The following FGF12 variants were observed in gnomAD, a reference collection of about 807,000 sequenced individuals.
FGF12 encodes the protein fibroblast growth factor 12B.
Under a neutral mutation model 23.6 loss-of-function variants are expected in FGF12, and 14 were observed. The ratio of observed to expected loss-of-function variants is 0.59; its 90% CI spans 0.39 to 0.93. The LOEUF (loss-of-function observed/expected upper bound fraction) is 0.93. Ranked by LOEUF, FGF12 falls within the 40% of genes least tolerant of loss-of-function variation. FGF12 has a pLI of 0.00. For synonymous variants in FGF12, 62 were observed against 77.3 expected, an observed-to-expected ratio of 0.80 and a Z score of 1.04; for missense variants, 175 against 217.8, an observed-to-expected ratio of 0.80 and a Z score of 1.24.
At chr3:192,656,864 A>G (rs763757241) in intron 2 of FGF12, among the ~76,000 whole-genome samples, 9 of 152,196 alleles carry the variant, frequency 5.9e-5, no homozygotes, top group Middle Eastern at 3.2e-3. Flanking sequence ...GAAATGCATA[A>G]TAGCCACAAT....
intron 2 of FGF12, among the ~76,000 whole-genome samples, chr3:192,663,273 T>C (rs758843733): frequency 6.6e-6 from 1 of 152,228 alleles, no homozygotes; most frequent in Admixed American, 6.5e-5. Flanking sequence ...AATTGTAGTC[T>C]AGGGAATATT....
chr3:192,620,136 C>T (rs575692021), intron 2 of FGF12, among the ~76,000 whole-genome samples: 4 of 152,220 alleles, frequency 2.6e-5, no homozygotes, highest in African/African-American at 9.6e-5. Context: ...TTTTTGCCGA[C>T]CTCACTCTCA....
chr3:192,188,083 T>C (rs1185256520), intron 4 of FGF12, among the ~76,000 whole-genome samples: 1 of 152,202 alleles, frequency 6.6e-6, no homozygotes, highest in Non-Finnish European at 1.5e-5. Context: ...GCCTCATGTA[T>C]TTATTCATCA....
At position 192,360,025 on chromosome 3, in the gene FGF12, G is replaced by A. The variant is rs779160514; in HGVS notation, c.124+403C>T. On this transcript the variant is annotated intron_variant, in intron 3 of 5. Transcript: ENST00000445105. This position sits in a 1 kb window ranked among gnomAD's most constrained non-coding sequence, Gnocchi z 4.3. ...AGGTAATTTTTGTCTGTCAGAAATT[G>A]TGTTCTAAGAAATATAGAACTTGTT... 1.3e-5 allele frequency among the ~76,000 whole-genome samples: 2 copies of A among 151,688 alleles called. No individual in the cohort carries two copies. Among genetic ancestry groups the A allele is most frequent in the South Asian group, 2.1e-4 (1 of 4,812 alleles).
At chr3:192,157,508 AG>A (rs199759808) in intron 5 of FGF12, among the ~76,000 whole-genome samples, 16,548 of 152,196 alleles carry the variant, frequency 0.11, 1,090 homozygotes, top group Middle Eastern at 0.2. Context: ...GATTTTTTCC[AG>A]GGCAAGCTTT....
chr3:192,241,406 A>C (rs1052578196), intron 4 of FGF12, among the ~76,000 whole-genome samples: 3 of 152,182 alleles, frequency 2.0e-5, no homozygotes, highest in African/African-American at 4.8e-5. Context: ...AATGTATTTA[A>C]TATCTCAAAG....
In FGF12 at chr3:192,140,067, A is replaced by G. The variant is rs1713286171; in HGVS notation, c.*3942T>C. On this transcript the variant is annotated 3_prime_UTR_variant, in exon 6 of 6. Coordinates refer to ENST00000445105, the MANE Select transcript of FGF12 (RefSeq NM_004113.6). Reference sequence around the variant, plus strand: ...GTTTCTTTTTTATTATAAAGTGGCAATTTGTACCATCATTAGAAATGTACA... The same window carrying G: ...GTTTCTTTTTTATTATAAAGTGGCAGTTTGTACCATCATTAGAAATGTACA... 6.6e-6 allele frequency: 1 copy of G among 152,052 alleles called. No individual in the cohort carries two copies. The highest frequency in any genetic ancestry group is 2.4e-5 in the African/African-American group (1 of 41,440). The allele number at this position is 152,052 out of a possible 1,614,324, so 9.4% of individuals were successfully genotyped here. A position where few individuals can be genotyped will look rare whatever the true frequency, so the allele number is the denominator to read the frequency against.
intron 2 of FGF12, among the ~76,000 whole-genome samples, chr3:192,548,969 G>A (rs1480454357): frequency 6.6e-6 from 1 of 152,082 alleles, no homozygotes; most frequent in African/African-American, 2.4e-5. Context: ...ATCAAAAAAA[G>A]TCTTTCATAG....
intron 2 of FGF12, among the ~76,000 whole-genome samples, chr3:192,576,852 G>A (rs189755478): frequency 6.6e-6 from 1 of 152,054 alleles, no homozygotes; most frequent in Non-Finnish European, 1.5e-5. Flanking sequence ...GTGACACATA[G>A]ACACCATGGA....
At chr3:192,322,216 C>A (rs2108683030) in intron 4 of FGF12, among the ~76,000 whole-genome samples, 1 of 151,858 alleles carries the variant, frequency 6.6e-6, no homozygotes, top group African/African-American at 2.4e-5. Flanking sequence ...AATCAATTTA[C>A]AATAGCAACA....
chr3:192,521,116 TG>T (rs1468740956), intron 2 of FGF12, among the ~76,000 whole-genome samples: 3 of 152,352 alleles, frequency 2.0e-5, no homozygotes, highest in African/African-American at 7.2e-5. Context: ...TTTAGATTCC[TG>T]CCAGCAATAT....
At chr3:192,246,191 T>C (rs1244448643) in intron 4 of FGF12, among the ~76,000 whole-genome samples, 1 of 152,096 alleles carries the variant, frequency 6.6e-6, no homozygotes, top group African/African-American at 2.4e-5. Context: ...AAATTTATAT[T>C]TTAGAATTAT....
chr3:192,326,080 A>G (rs1716803916), intron 4 of FGF12, among the ~76,000 whole-genome samples: 1 of 152,224 alleles, frequency 6.6e-6, no homozygotes. Flanking sequence ...AGACTTCAGC[A>G]GATGTCTGAA....
At chr3:192,583,255 C>G (rs1713235399) in intron 2 of FGF12, among the ~76,000 whole-genome samples, 1 of 152,112 alleles carries the variant, frequency 6.6e-6, no homozygotes, top group South Asian at 2.1e-4. Context: ...CTCCATGGGG[C>G]CTAGTGTAGG....
chr3:192,454,471 T>C (rs947419958), intron 2 of FGF12, among the ~76,000 whole-genome samples: 3 of 152,122 alleles, frequency 2.0e-5, no homozygotes, highest in African/African-American at 7.2e-5. Context: ...TCTAGAAATG[T>C]TATGCACTCA....
At chr3:192,673,736 T>C (rs1717220158) in intron 2 of FGF12, among the ~76,000 whole-genome samples, 1 of 151,284 alleles carries the variant, frequency 6.6e-6, no homozygotes, top group Non-Finnish European at 1.5e-5. Context: ...TTTCTATGGC[T>C]GCATAGTATT....
rs193089702 is a variant in FGF12, at chr3:192,604,592, G to A, written c.13+122589C>T. On this transcript the variant is annotated intron_variant, in intron 2 of 5. Transcript: ENST00000445105. ...AAATGAAAAAGCATTCCATGCTCAC[G>A]GACTGGAAGAATCAATATTGTTAAA... 3.9e-3 allele frequency among the ~76,000 whole-genome samples: 588 copies of A among 152,204 alleles called. 8 individuals carry two copies. Among genetic ancestry groups the A allele is most frequent in the Non-Finnish European group, 4.6e-3 (310 of 68,008 alleles).
chr3:192,594,500 T>G (rs1713757217), intron 2 of FGF12, among the ~76,000 whole-genome samples: 1 of 151,858 alleles, frequency 6.6e-6, no homozygotes, highest in Admixed American at 6.6e-5. Context: ...GAATATTGTC[T>G]AAAAAATCTG....
intron 2 of FGF12, among the ~76,000 whole-genome samples, chr3:192,637,768 G>A (rs192637970): frequency 6.6e-6 from 1 of 152,058 alleles, no homozygotes; most frequent in African/African-American, 2.4e-5. Context: ...AATAAATGAG[G>A]GTTCTTGGGC....
Sources: gnomAD v4.1 joint callset for allele counts (sites outside exome capture counted in the v4.1 genomes callset) on GRCh38, gnomAD v4.1.1 for gene constraint, Gnocchi (gnomAD v3.1) non-coding constraint, MANE v1.5 for transcripts, NCBI Gene and HGNC (gene_info 2026-07-23, HGNC 2026-07-21) for gene names.